The following MIPOL1 variants were observed in gnomAD, a reference collection of about 807,000 sequenced individuals.
MIPOL1 encodes mirror-image polydactyly gene 1 protein.
A neutral mutation model predicts 60.9 loss-of-function variants in MIPOL1; 57 were observed. That is an observed-to-expected ratio of 0.94 (90% CI 0.76 to 1.17). The LOEUF (loss-of-function observed/expected upper bound fraction) is 1.17, where lower values mean the gene tolerates loss of function less well. Among genes scored for constraint, MIPOL1 ranks in the 50% most tolerant of loss-of-function variants. The pLI is 0.00. For missense variants in MIPOL1, 551 were observed against 511.6 expected (o/e 1.08, Z -0.74); for synonymous variants, 179 against 168.8 (o/e 1.06, Z -0.47).
At chr14:37,515,292 G>T (rs1182155773) in intron 12 of MIPOL1, among the ~76,000 whole-genome samples, 1 of 127,676 alleles carries the variant, frequency 7.8e-6, no homozygotes, top group South Asian at 2.4e-4. Flanking sequence ...TAAATATAAT[G>T]AAAAAAAAAA....
chr14:37,385,878 A>T (rs568837337), intron 10 of MIPOL1: 5 of 152,100 alleles, frequency 3.3e-5, no homozygotes, highest in Non-Finnish European at 5.9e-5. Flanking sequence ...AGAAAATTGC[A>T]TGAACCAAAG....
intron 1 of MIPOL1, chr14:37,227,936 C>T (rs1210140896): frequency 2.0e-5 from 3 of 152,122 alleles, no homozygotes; most frequent in African/African-American, 4.8e-5. Flanking sequence ...TATGATTTTC[C>T]TGCACATTTA....
intron 9 of MIPOL1, among the ~76,000 whole-genome samples, chr14:37,349,645 T>C (rs1015245531): frequency 6.6e-6 from 1 of 152,220 alleles, no homozygotes; most frequent in East Asian, 1.9e-4. Context: ...CTCAATTATG[T>C]CTTTTCTATG....
chr14:37,462,487 A>G (rs1046259014), intron 11 of MIPOL1, among the ~76,000 whole-genome samples: 2 of 152,182 alleles, frequency 1.3e-5, no homozygotes, highest in Admixed American at 1.3e-4. Flanking sequence ...TACTTATGCA[A>G]ATTTCTGCAA....
At chr14:37,258,471 C>T (rs1288235285) in intron 3 of MIPOL1, among the ~76,000 whole-genome samples, 1 of 151,960 alleles carries the variant, frequency 6.6e-6, no homozygotes, top group Non-Finnish European at 1.5e-5. Context: ...AAATATATTA[C>T]AAATAGCCAA....
intron 11 of MIPOL1, among the ~76,000 whole-genome samples, chr14:37,424,772 A>G (rs1163977536): frequency 6.6e-6 from 1 of 152,008 alleles, no homozygotes; most frequent in Non-Finnish European, 1.5e-5. Flanking sequence ...CTACCAACCT[A>G]CTTTATTTTG....
chr14:37,258,746 T>C (rs1165271984), intron 3 of MIPOL1, among the ~76,000 whole-genome samples: 1 of 152,104 alleles, frequency 6.6e-6, no homozygotes, highest in Non-Finnish European at 1.5e-5. Context: ...TTTCACAAAA[T>C]ACTTACGTAC....
At position 37,197,989 on chromosome 14, in the gene MIPOL1, G is replaced by A. The variant is rs796878767; in HGVS notation, c.-314G>A. The A allele has an allele frequency of 2.5e-4, 38 of 152,320 alleles. 1 individual carries two copies. Among genetic ancestry groups the A allele is most frequent in the African/African-American group, 8.9e-4 (37 of 41,580 alleles). 9.4% of individuals were successfully genotyped at this position (152,320 alleles called of 1,614,324 possible). On this transcript the variant is annotated 5_prime_UTR_variant, in exon 1 of 13. Transcript: ENST00000684589. ...GCCGGATCGTCTGTGGGTGAGTCTC[G>A]AGCCAGGAGGCTCTGAGCCAGTGGC...
At chr14:37,360,487 A>G (rs905174045) in intron 9 of MIPOL1, among the ~76,000 whole-genome samples, 13 of 152,282 alleles carry the variant, frequency 8.5e-5, no homozygotes, top group Admixed American at 7.2e-4. Flanking sequence ...TATTGCCTCA[A>G]TTTCAGAGCC....
intron 9 of MIPOL1, among the ~76,000 whole-genome samples, chr14:37,310,358 C>G (rs1426973858): frequency 6.6e-6 from 1 of 152,044 alleles, no homozygotes; most frequent in Non-Finnish European, 1.5e-5. Context: ...TTCACTCTCC[C>G]CTCTAGAGGA....
chr14:37,492,237 A>G (rs1032195498), intron 11 of MIPOL1, among the ~76,000 whole-genome samples: 2 of 152,236 alleles, frequency 1.3e-5, no homozygotes, highest in Non-Finnish European at 2.9e-5. Context: ...TATTCTTAGG[A>G]AAAAGCAGCA....
rs924986258 is a variant in MIPOL1 at position 37,206,410 on chromosome 14, A to G, written c.-199+8306A>G. ...TCTTCGCCTAGATTTAAGAGGATAT[A>G]TGGAAATGCCTGGATATCCAGGCAG... is the stretch of plus-strand genomic sequence containing the variant. On this transcript the variant is annotated intron_variant, in intron 1 of 12. Coordinates refer to ENST00000684589, the MANE Select transcript of MIPOL1 (RefSeq NM_001388067.1). Among the ~76,000 whole-genome samples the G allele has an allele frequency of 6.6e-4, 100 of 152,168 alleles. 2 individuals are homozygous for G. The highest frequency in any genetic ancestry group is 2.5e-4 in the Non-Finnish European group (17 of 68,030).
At chr14:37,468,002 C>T (rs1448242805) in intron 11 of MIPOL1, among the ~76,000 whole-genome samples, 3 of 148,590 alleles carry the variant, frequency 2.0e-5, no homozygotes, top group Non-Finnish European at 4.4e-5. Context: ...TGTAGTGAGC[C>T]GAGATCATGC....
chr14:37,364,349 C>T (rs1245949508), intron 9 of MIPOL1, among the ~76,000 whole-genome samples: 1 of 152,174 alleles, frequency 6.6e-6, no homozygotes, highest in Non-Finnish European at 1.5e-5. Flanking sequence ...GTAGTAGTTT[C>T]ATAATCTGGA....
At chr14:37,346,809 C>G (rs2090979298) in intron 9 of MIPOL1, among the ~76,000 whole-genome samples, 1 of 152,006 alleles carries the variant, frequency 6.6e-6, no homozygotes, top group African/African-American at 2.4e-5. Flanking sequence ...AATACCTCTT[C>G]AGCGAAAGGA....
At chr14:37,527,339 A>G (rs796520896) in intron 12 of MIPOL1, among the ~76,000 whole-genome samples, 10 of 152,114 alleles carry the variant, frequency 6.6e-5, no homozygotes, top group African/African-American at 2.4e-4. Context: ...GGTTATTATT[A>G]TTATCATTTA....
intron 10 of MIPOL1, among the ~76,000 whole-genome samples, chr14:37,380,324 T>C (rs1159677784): frequency 2.0e-5 from 3 of 152,150 alleles, no homozygotes; most frequent in African/African-American, 7.2e-5. Context: ...ATGTCTTTCT[T>C]TACAAGCAAG....
At chr14:37,410,952 A>G (rs979352114) in intron 10 of MIPOL1, among the ~76,000 whole-genome samples, 1 of 152,150 alleles carries the variant, frequency 6.6e-6, no homozygotes, top group Admixed American at 6.5e-5. Context: ...GCATACAACA[A>G]GATGATAGAT....
chr14:37,285,650 G>A (rs1037633755), intron 7 of MIPOL1, among the ~76,000 whole-genome samples: 6 of 149,048 alleles, frequency 4.0e-5, no homozygotes, highest in Non-Finnish European at 8.9e-5. Context: ...GGAGTGCAGT[G>A]GCGCAATCTC....
Sources: allele counts gnomAD v4.1 joint callset (sites outside exome capture counted in the v4.1 genomes callset), GRCh38; gene constraint gnomAD v4.1.1; transcripts MANE v1.5; gene names NCBI Gene and HGNC (gene_info 2026-07-23, HGNC 2026-07-21).